NTM: variants seen among roughly 807,000 people sequenced by gnomAD.
The protein encoded by NTM is neurotrimin, also known as IgLON family member 2.
In NTM, 13 loss-of-function variants were observed where a neutral mutation model predicts 42.1. That is an observed-to-expected ratio of 0.31 (90% CI 0.20 to 0.49). The LOEUF is 0.49. Ranked by LOEUF, NTM falls within the 20% of genes least tolerant of loss-of-function variation. NTM has a pLI of 0.99. For missense variants in NTM, 373 were observed against 452.8 expected, an observed-to-expected ratio of 0.82 and a Z score of 1.60; for synonymous variants, 187 against 179.2, an observed-to-expected ratio of 1.04 and a Z score of -0.35.
At chr11:131,954,048 G>A (rs750687490) in intron 2 of NTM, among the ~76,000 whole-genome samples, 1 of 152,170 alleles carries the variant, frequency 6.6e-6, no homozygotes, top group Non-Finnish European at 1.5e-5. Context: ...AAGTCGAATC[G>A]GAGGGATCCC....
chr11:131,472,487 A>ATG (rs907868919), intron 1 of NTM, among the ~76,000 whole-genome samples: 10 of 151,952 alleles, frequency 6.6e-5, no homozygotes, highest in Non-Finnish European at 1.0e-4. Context: ...ATGTGTGTGA[A>ATG]TGTGTGTGTG....
intron 1 of NTM, among the ~76,000 whole-genome samples, chr11:131,724,396 A>G (rs1311920181): frequency 6.6e-6 from 1 of 152,222 alleles, no homozygotes; most frequent in Admixed American, 6.5e-5. Context: ...AGGTTTGAGA[A>G]GACAACTCAA....
chr11:131,551,878 C>T (rs557710428), intron 1 of NTM, among the ~76,000 whole-genome samples: 80 of 152,230 alleles, frequency 5.3e-4, no homozygotes, highest in Admixed American at 9.8e-4. Context: ...TCACATCCCA[C>T]GTCAAGGCTA....
chr11:131,419,675 T>C (rs1427961893), intron 1 of NTM, among the ~76,000 whole-genome samples: 2 of 152,114 alleles, frequency 1.3e-5, no homozygotes, highest in African/African-American at 4.8e-5. Context: ...ATGTAGGTGG[T>C]TGAAGGCCAT....
At chr11:132,012,716 C>A (rs1367946173) in intron 2 of NTM, among the ~76,000 whole-genome samples, 1 of 152,028 alleles carries the variant, frequency 6.6e-6, no homozygotes, top group Non-Finnish European at 1.5e-5. Flanking sequence ...AAAAGAGAAT[C>A]TAAAAAGGTT....
rs532594899 is a variant in NTM, at chr11:131,729,410, A to C, written c.83-182154A>C. On this transcript the variant is annotated intron_variant, in intron 1 of 8. Coordinates refer to ENST00000683400, the MANE Select transcript of NTM (RefSeq NM_001352005.2). Reference sequence around the variant, plus strand: ...TCTGTGAAAACAAGTTAATTTTCACAGTATATAAGTTTGTTTGTAATTGAG... The same window carrying C: ...TCTGTGAAAACAAGTTAATTTTCACCGTATATAAGTTTGTTTGTAATTGAG... 2.0e-5 allele frequency among the ~76,000 whole-genome samples: 3 copies of C among 152,372 alleles called. No individual in the cohort carries two copies. In the South Asian group the frequency reaches 6.2e-4, roughly 32 times the overall value.
intron 2 of NTM, among the ~76,000 whole-genome samples, chr11:131,983,543 T>G (rs1396228977): frequency 6.6e-6 from 1 of 151,978 alleles, no homozygotes; most frequent in Non-Finnish European, 1.5e-5. Flanking sequence ...ACCCAGCTAA[T>G]TTTTTTATTT....
chr11:132,030,675 G>T (rs1358948126), intron 2 of NTM, among the ~76,000 whole-genome samples: 1 of 152,280 alleles, frequency 6.6e-6, no homozygotes, highest in East Asian at 1.9e-4. Flanking sequence ...ATATGCCAAA[G>T]CCCTGTGGCA....
At chr11:131,992,571 A>G (rs549929422) in intron 2 of NTM, among the ~76,000 whole-genome samples, 1 of 152,124 alleles carries the variant, frequency 6.6e-6, no homozygotes, top group Non-Finnish European at 1.5e-5. Flanking sequence ...CTGTTTTCTC[A>G]TGGCTTTTTT....
intron 2 of NTM, among the ~76,000 whole-genome samples, chr11:132,027,805 C>A (rs2075382674): frequency 6.6e-6 from 1 of 152,158 alleles, no homozygotes; most frequent in African/African-American, 2.4e-5. Context: ...AATTCTCAGT[C>A]ATTATTGCTT....
At chr11:132,201,429 T>C (rs1049190978) in intron 3 of NTM, among the ~76,000 whole-genome samples, 7 of 152,202 alleles carry the variant, frequency 4.6e-5, no homozygotes, top group Non-Finnish European at 8.8e-5. Context: ...CACAGTAAGG[T>C]GCCAGATGCC....
At chr11:131,503,272 A>G (rs1214026288) in intron 1 of NTM, among the ~76,000 whole-genome samples, 3 of 152,192 alleles carry the variant, frequency 2.0e-5, no homozygotes, top group African/African-American at 2.4e-5. Context: ...GGCTGTCTGC[A>G]GGTAGACCAG....
chr11:131,534,052 G>A (rs1319286707), intron 1 of NTM: 2 of 152,476 alleles, frequency 1.3e-5, no homozygotes, highest in African/African-American at 4.8e-5. Context: ...CTGGGGTCTG[G>A]AGGGGGGCGG....
intron 2 of NTM, among the ~76,000 whole-genome samples, chr11:131,958,726 C>T (rs1003133265): frequency 1.3e-5 from 2 of 152,184 alleles, no homozygotes; most frequent in Non-Finnish European, 2.9e-5. Flanking sequence ...AGCCTCAGCA[C>T]ACTAGTGAGC....
At chr11:132,179,978 A>G (rs2077331331) in intron 3 of NTM, among the ~76,000 whole-genome samples, 1 of 152,198 alleles carries the variant, frequency 6.6e-6, no homozygotes, top group Non-Finnish European at 1.5e-5. Context: ...ATAGTGTAAC[A>G]CTAACAATAG....
intron 2 of NTM, among the ~76,000 whole-genome samples, chr11:131,993,280 G>A (rs928836754): frequency 6.6e-6 from 1 of 152,140 alleles, no homozygotes; most frequent in Non-Finnish European, 1.5e-5. Flanking sequence ...CCTAAAGGAG[G>A]AGCCATGCAA....
intron 4 of NTM, among the ~76,000 whole-genome samples, chr11:132,248,533 C>T (rs982569260): frequency 6.6e-6 from 1 of 152,162 alleles, no homozygotes; most frequent in African/African-American, 2.4e-5. Flanking sequence ...AGTGTGGTCC[C>T]TGGTCTCACC....
intron 1 of NTM, among the ~76,000 whole-genome samples, chr11:131,869,412 G>A (rs940178421): frequency 5.9e-5 from 9 of 152,142 alleles, no homozygotes; most frequent in African/African-American, 1.2e-4. Context: ...ACTCTCCTTC[G>A]GGGTAGATGT....
chr11:131,909,459 T>TAACAACAAC (rs56358928), intron 1 of NTM, among the ~76,000 whole-genome samples: 14 of 152,066 alleles, frequency 9.2e-5, no homozygotes, highest in African/African-American at 2.2e-4. Flanking sequence ...TAACAGTTGT[T>TAACAACAAC]AACAACAACA....
Sources: gnomAD v4.1 joint callset for allele counts (sites outside exome capture counted in the v4.1 genomes callset) on GRCh38, gnomAD v4.1.1 for gene constraint, MANE v1.5 for transcripts, NCBI Gene and HGNC (gene_info 2026-07-23, HGNC 2026-07-21) for gene names.